RASA1: variants seen among roughly 807,000 people sequenced by gnomAD.
The protein encoded by RASA1 is RAS p21 protein activator 1, also known as ras GTPase-activating protein 1.
A neutral mutation model predicts 132.2 loss-of-function variants in RASA1; 25 were observed. That is an observed-to-expected ratio of 0.19 (90% confidence interval 0.14 to 0.26). The LOEUF (loss-of-function observed/expected upper bound fraction) is 0.26, where lower values mean the gene tolerates loss of function less well. Among genes scored for constraint, RASA1 ranks in the 10% least tolerant of loss-of-function variants. The pLI is 1.00. For synonymous variants in RASA1, 477 were observed against 449.9 expected (o/e 1.06, Z -0.76); for missense variants, 964 against 1,299.2 (o/e 0.74, Z 3.97).
intron 1 of RASA1, among the ~76,000 whole-genome samples, chr5:87,286,737 T>C (rs1358057515): frequency 1.3e-5 from 2 of 151,618 alleles, no homozygotes; most frequent in African/African-American, 2.4e-5. Context: ...CCTTCAGATA[T>C]AATTTTGACC....
chr5:87,333,222 T>C, intron 3 of RASA1, 45 bp from the exon 4 acceptor site: 2 of 1,604,006 alleles, frequency 1.2e-6, no homozygotes, highest in South Asian at 2.2e-5. Flanking sequence ...GACTTTAAGA[T>C]AAAAAGACTA....
At chr5:87,378,300 A>G in intron 17 of RASA1, 96 bp from the exon 18 acceptor site, 1 of 1,413,088 alleles carries the variant, frequency 7.1e-7, no homozygotes, top group Non-Finnish European at 1.0e-6. Flanking sequence ...TTAAGTGGCT[A>G]TTCCTGTTGA....
intron 1 of RASA1, among the ~76,000 whole-genome samples, chr5:87,302,487 A>G (rs1246786602): frequency 6.7e-6 from 1 of 148,558 alleles, no homozygotes; most frequent in East Asian, 2.0e-4. Context: ...AGAAATCTTC[A>G]ATTTCGCACT....
intron 1 of RASA1, among the ~76,000 whole-genome samples, chr5:87,273,103 A>G (rs777531393): frequency 1.3e-5 from 2 of 152,136 alleles, no homozygotes; most frequent in African/African-American, 4.8e-5. Flanking sequence ...GTTTTGTGCT[A>G]TTGATCACAA....
At chr5:87,370,500 C>CA (rs1444435170) in intron 12 of RASA1, among the ~76,000 whole-genome samples, 3 of 152,050 alleles carry the variant, frequency 2.0e-5, no homozygotes, top group South Asian at 4.1e-4. Context: ...ACCTCTATAA[C>CA]AAAAGTAAAA....
chr5:87,341,321 T>C lies in RASA1; in HGVS notation c.1049T>C (p.Ile350Thr). 7 of 1,353,792 alleles carry C rather than the reference T, an allele frequency of 5.2e-6. No homozygotes were observed. The highest frequency in any genetic ancestry group is 6.7e-6 in the Non-Finnish European group (7 of 1,047,044). 83.9% of individuals were successfully genotyped at this position (1,353,792 alleles called of 1,614,324 possible). A position where few individuals can be genotyped will look rare whatever the true frequency, so the allele number is the denominator to read the frequency against. Residue 350 changes from isoleucine to threonine, a missense_variant and splice_region_variant, in exon 6 of 25, where the codon ATA becomes ACA. Ile to Thr is a moderately conservative substitution (Grantham distance 89). Transcript: ENST00000274376. ...GAAGAAGATCCACATGAAGGAAAAATGTGAGTTTGTGTTAATTATTAAAAT... is the reference window on the plus strand; with the variant it reads ...GAAGAAGATCCACATGAAGGAAAAACGTGAGTTTGTGTTAATTATTAAAAT... Reference protein sequence around the residue: ...GREEDPHEGKIWFHGKISKQE... With the variant: ...GREEDPHEGKTWFHGKISKQE...
chr5:87,323,107 G>A (rs1266707164), intron 1 of RASA1, among the ~76,000 whole-genome samples: 3 of 152,136 alleles, frequency 2.0e-5, no homozygotes, highest in Non-Finnish European at 4.4e-5. Context: ...ATGGATAACT[G>A]ATATTTCCAT....
intron 1 of RASA1, among the ~76,000 whole-genome samples, chr5:87,324,598 G>A (rs1401063491): frequency 3.9e-5 from 6 of 152,132 alleles, no homozygotes; most frequent in Non-Finnish European, 5.9e-5. Flanking sequence ...CAGCATTTCT[G>A]CCCTTACTTT....
chr5:87,275,826 C>T lies in RASA1; in HGVS notation c.539+6836C>T, dbSNP rs569959571. Among the ~76,000 whole-genome samples the T allele has an allele frequency of 1.4e-4, 22 of 152,262 alleles. No individual in the cohort carries two copies. The South Asian group carries it at 4.1e-3, about 29-fold the overall frequency. On this transcript the variant is annotated intron_variant, in intron 1 of 24. Transcript: ENST00000274376. Reference sequence around the variant, plus strand: ...CCTCGTGATCTGCCACCTTGGCCTCCCAAAGTGCTGCGATTACAGGCATGA... The same window carrying T: ...CCTCGTGATCTGCCACCTTGGCCTCTCAAAGTGCTGCGATTACAGGCATGA...
intron 24 of RASA1, 39 bp from the exon 25 acceptor site, chr5:87,390,761 A>T: frequency 6.5e-7 from 1 of 1,544,596 alleles, no homozygotes; most frequent in Non-Finnish European, 8.9e-7. Context: ...TTGCTGACCG[A>T]GCTTTCATTT....
chr5:87,306,771 C>G (rs1390759713), intron 1 of RASA1, among the ~76,000 whole-genome samples: 1 of 151,910 alleles, frequency 6.6e-6, no homozygotes, highest in Non-Finnish European at 1.5e-5. Context: ...TTGGAAGATT[C>G]TTGACCATTT....
At chr5:87,378,261 A>G (rs1246216208) in intron 17 of RASA1, 135 bp from the exon 18 acceptor site, 3 of 942,078 alleles carry the variant, frequency 3.2e-6, no homozygotes, top group Non-Finnish European at 5.1e-6. Flanking sequence ...TGTAATTAGT[A>G]CTTTCAACGC....
At chr5:87,377,968 C>T (rs1242703122) in intron 17 of RASA1, among the ~76,000 whole-genome samples, 1 of 152,158 alleles carries the variant, frequency 6.6e-6, no homozygotes, top group Non-Finnish European at 1.5e-5. Context: ...ACTCAGTAGA[C>T]ATATTTTAAG....
chr5:87,339,290 C>G (rs1362287490), intron 5 of RASA1, among the ~76,000 whole-genome samples: 1 of 152,072 alleles, frequency 6.6e-6, no homozygotes, highest in African/African-American at 2.4e-5. Context: ...TGATACAGTC[C>G]ATACTCATAG....
At chr5:87,347,065 C>T (rs1474890266) in intron 7 of RASA1, among the ~76,000 whole-genome samples, 1 of 151,876 alleles carries the variant, frequency 6.6e-6, no homozygotes, top group Non-Finnish European at 1.5e-5. Flanking sequence ...ATGCAACACA[C>T]TTTTTTCATG....
At chr5:87,372,082 G>A (rs1204042144) in intron 12 of RASA1, 36 bp from the exon 13 acceptor site, 3 of 1,570,878 alleles carry the variant, frequency 1.9e-6, no homozygotes, top group Non-Finnish European at 2.6e-6. Context: ...AAATAAACTA[G>A]TGTATATTTC....
chr5:87,313,806 C>T (rs1194301235), intron 1 of RASA1, among the ~76,000 whole-genome samples: 1 of 152,164 alleles, frequency 6.6e-6, no homozygotes. Context: ...AGAGAGATTT[C>T]TGTAGACAAA....
At chr5:87,338,635 G>T (rs1318640157) in intron 5 of RASA1, among the ~76,000 whole-genome samples, 1 of 148,880 alleles carries the variant, frequency 6.7e-6, no homozygotes, top group Non-Finnish European at 1.5e-5. Context: ...GCCTCCCAAA[G>T]TACTGGGATG....
At chr5:87,349,080 T>C (rs976012709) in intron 7 of RASA1, 134 bp from the exon 8 acceptor site, 2 of 1,130,714 alleles carry the variant, frequency 1.8e-6, no homozygotes. Context: ...AGAAATTATC[T>C]TAAAAAAAAA....
Sources: gnomAD v4.1 joint callset for allele counts (sites outside exome capture counted in the v4.1 genomes callset) on GRCh38, gnomAD v4.1.1 for gene constraint, MANE v1.5 for transcripts, NCBI Gene and HGNC (gene_info 2026-07-23, HGNC 2026-07-21) for gene names.